The following SLC35G6 variants were observed in gnomAD, a reference collection of about 807,000 sequenced individuals.
SLC35G6 encodes the protein acyl-malonyl condensing enzyme 1-like 3.
A neutral mutation model predicts 20.3 loss-of-function variants in SLC35G6; 18 were observed. The ratio of observed to expected loss-of-function variants is 0.88; its 90% CI spans 0.61 to 1.31. The LOEUF (loss-of-function observed/expected upper bound fraction) is 1.31. Ranked by LOEUF, SLC35G6 falls within the 40% of genes most tolerant of loss-of-function variation. SLC35G6 has a pLI of 0.00. For synonymous variants in SLC35G6, 156 were observed against 200.9 expected (o/e 0.78, Z 1.89); for missense variants, 372 against 433.4 (o/e 0.86, Z 1.26).
Position 7,481,995 on chromosome 17 carries a change from G to A in SLC35G6, c.11G>A (p.Ser4Asn). MAG[S>N]HPYLNPPDST... ...CTCCTTTCTCCCTAACAGGCTGGCA[G>A]TCACCCCTACTTGAACCCGCCTGAC... The change falls in exon 2 of 2, where the codon AGT (serine) becomes AAT (asparagine). Residue 4 changes from serine to asparagine, a missense_variant. By Grantham distance (46) the Ser-to-Asn change is conservative. Coordinates refer to ENST00000412468, the MANE Select transcript of SLC35G6 (RefSeq NM_001102614.2). 1 of 1,593,012 alleles carries A rather than the reference G, an allele frequency of 6.3e-7. No individual in the cohort carries two copies. The highest frequency in any genetic ancestry group is 8.6e-7 in the Non-Finnish European group (1 of 1,168,416).
chr17:7,481,883 A>G (rs559610082), intron 1 of SLC35G6, 105 bp from the exon 2 acceptor site: 3 of 1,446,652 alleles, frequency 2.1e-6, no homozygotes, highest in African/African-American at 1.4e-5. Context: ...ATAGCCCAAC[A>G]CTGTACAGTC....
In SLC35G6 at chr17:7,483,374, G is replaced by GCTCCCCA. The variant is rs2070372593; in HGVS notation, c.*373_*374insCTCCCCA. 3 of 308,848 alleles carry GCTCCCCA rather than the reference G, an allele frequency of 9.7e-6. No homozygotes were observed. Among genetic ancestry groups the GCTCCCCA allele is most frequent in the African/African-American group, 2.2e-5 (1 of 46,376 alleles). 19.1% of individuals were successfully genotyped at this position (308,848 alleles called of 1,614,324 possible). On this transcript the variant is annotated 3_prime_UTR_variant, in exon 2 of 2. Transcript: ENST00000412468. ...AAAGACAGAGCCAGCAGCTGCGGTG[G>GCTCCCCA]GGGAGGGGAGCGTGCCTCCCCACCC...
chr17:7,483,136 T>G lies in SLC35G6; in HGVS notation c.*135T>G. The G allele has an allele frequency of 3.4e-6, 5 of 1,465,986 alleles. No homozygotes were observed. Among genetic ancestry groups the G allele is most frequent in the Non-Finnish European group, 4.6e-6 (5 of 1,093,436 alleles). The allele number at this position is 1,465,986 out of a possible 1,614,324, so 90.8% of individuals were successfully genotyped here. A position where few individuals can be genotyped will look rare whatever the true frequency, so the allele number is the denominator to read the frequency against. ...GATACCTCTCAGAGTCAAGGGTGACTTGGGGACTTGGTGGAGAGGGACTAC... is the reference window on the plus strand; with the variant it reads ...GATACCTCTCAGAGTCAAGGGTGACGTGGGGACTTGGTGGAGAGGGACTAC... On this transcript the variant is annotated 3_prime_UTR_variant, in exon 2 of 2. Transcript: ENST00000412468.
rs376260491 is a variant in SLC35G6 at position 7,481,557 on chromosome 17, A to G, written c.3+38A>G. 1.0e-5 allele frequency: 15 copies of G among 1,461,236 alleles called. No homozygotes were observed. In the South Asian group the frequency reaches 1.8e-4, roughly 17 times the overall value. 90.5% of individuals were successfully genotyped at this position (1,461,236 alleles called of 1,614,324 possible). On this transcript the variant is annotated intron_variant, in intron 1 of 1. Coordinates refer to ENST00000412468, the MANE Select transcript of SLC35G6 (RefSeq NM_001102614.2). ...GCCAGGGGCCTAGTACTCCCTCCCT[A>G]TAGCTCCTGGTTGCTCCATTTCCCC...
chr17:7,483,058 T>C lies in SLC35G6; in HGVS notation c.*57T>C, dbSNP rs2070368757. On this transcript the variant is annotated 3_prime_UTR_variant, in exon 2 of 2. Transcript: ENST00000412468. Reference sequence around the variant, plus strand: ...GACAGGGATAAATAGAGGCAAAGACTGAAGACAAACATGGGAGGAGAAGTG... The same window carrying C: ...GACAGGGATAAATAGAGGCAAAGACCGAAGACAAACATGGGAGGAGAAGTG... 1.2e-6 allele frequency: 2 copies of C among 1,609,138 alleles called. No homozygotes were observed. The highest frequency in any genetic ancestry group is 1.7e-5 in the Admixed American group (1 of 59,336).
intron 1 of SLC35G6, 64 bp downstream of exon 1, chr17:7,481,583 T>C: frequency 8.1e-7 from 1 of 1,238,572 alleles, no homozygotes; most frequent in Non-Finnish European, 1.1e-6. Flanking sequence ...CCATTTCCCC[T>C]CCTTTCCTAA....
In SLC35G6 at chr17:7,482,413, C is replaced by T. The variant is rs531131813; in HGVS notation, c.429C>T (p.Ala143=). The T allele has an allele frequency of 1.3e-5, 21 of 1,614,018 alleles. No individual in the cohort carries two copies. Among genetic ancestry groups the T allele is most frequent in the African/African-American group, 4.0e-5 (3 of 75,050 alleles). ...VRKGSSTVCS[A]VLTLCLESQG... is the part of the protein sequence containing the mutation. ...AAGGTTCTTCCACCGTCTGCTCCGCCGTCCTCACCCTCTGCCTTGAGAGCC... is the reference window on the plus strand; with the variant it reads ...AAGGTTCTTCCACCGTCTGCTCCGCTGTCCTCACCCTCTGCCTTGAGAGCC... The change falls in exon 2 of 2, where the codon GCC becomes GCT. Residue 143 remains alanine, a synonymous_variant. Transcript: ENST00000412468.
At chr17:7,481,662 G>A in intron 1 of SLC35G6, 143 bp downstream of exon 1, 1 of 671,920 alleles carries the variant, frequency 1.5e-6, no homozygotes, top group East Asian at 2.9e-5. Context: ...TCTGGAACCT[G>A]TGGCATCATA....
chr17:7,482,101 C>T lies in SLC35G6; in HGVS notation c.117C>T (p.Gly39=). The change falls in exon 2 of 2, where the codon GGC becomes GGT. Residue 39 remains glycine, a synonymous_variant. Coordinates refer to ENST00000412468, the MANE Select transcript of SLC35G6 (RefSeq NM_001102614.2). Reference sequence around the variant, plus strand: ...GCCAGCCCTCTGATGCCACCAATGGCCTGCTGGTGGCCCTGCTGGGTGGGG... The same window carrying T: ...GCCAGCCCTCTGATGCCACCAATGGTCTGCTGGTGGCCCTGCTGGGTGGGG... ...QCCQPSDATN[G]LLVALLGGGL... is the part of the protein sequence containing the mutation. 5 of 1,614,216 alleles carry T rather than the reference C, an allele frequency of 3.1e-6. No homozygotes were observed. Among genetic ancestry groups the T allele is most frequent in the Non-Finnish European group, 3.4e-6 (4 of 1,180,042 alleles).
Position 7,482,619 on chromosome 17 carries a change from C to T in SLC35G6, c.635C>T (p.Ser212Phe). 2 of 1,612,116 alleles carry T rather than the reference C, an allele frequency of 1.2e-6. No homozygotes were observed. Among genetic ancestry groups the T allele is most frequent in the Non-Finnish European group, 8.5e-7 (1 of 1,179,910 alleles). The stretch of plus-strand genomic sequence containing the variant: ...TCCCTGGGGCTTCTGGTCTATCGTT[C>T]TCTGCACTTTCCCTCCTGCCTCCCA... ...ALSLGLLVYR[S>F]LHFPSCLPTV... The change falls in exon 2 of 2, where the codon TCT (serine) becomes TTT (phenylalanine). Residue 212 changes from serine (S) to phenylalanine (F), a missense_variant. Physicochemically the swap from Ser to Phe is radical, Grantham distance 155. Transcript: ENST00000412468.
At chr17:7,481,903 C>T (rs1158062743) in intron 1 of SLC35G6, 85 bp from the exon 2 acceptor site, 89 of 1,512,556 alleles carry the variant, frequency 5.9e-5, no homozygotes, top group Admixed American at 4.5e-4. Context: ...CCCACAGGGT[C>T]CCAGACCCCA....
rs1379818421 is a variant in SLC35G6, at chr17:7,482,022, C to T, written c.38C>T (p.Ser13Phe). 2.5e-6 allele frequency: 4 copies of T among 1,610,822 alleles called. No individual in the cohort carries two copies. The African/African-American group carries it at 5.3e-5, about 22-fold the overall frequency. ...CACCCCTACTTGAACCCGCCTGACT[C>T]CACACACCCATCGCCGCCCTCCGCT... is the stretch of plus-strand genomic sequence containing the variant. ...GSHPYLNPPD[S>F]THPSPPSAPP... Residue 13 changes from serine to phenylalanine, a missense_variant, in exon 2 of 2, where the codon TCC (serine) becomes TTC (phenylalanine). Physicochemically the swap from Ser to Phe is radical, Grantham distance 155. Transcript: ENST00000412468.
At position 7,482,859 on chromosome 17, in the gene SLC35G6, T is replaced by C. The variant is rs201701863; in HGVS notation, c.875T>C (p.Val292Ala). The C allele has an allele frequency of 6.5e-4, 1,053 of 1,611,884 alleles. 1 individual carries two copies. The highest frequency in any genetic ancestry group is 8.5e-4 in the Non-Finnish European group (999 of 1,179,860). The change falls in exon 2 of 2, where the codon GTG (valine) becomes GCG (alanine). Residue 292 changes from valine to alanine, a missense_variant. Val to Ala is a moderately conservative substitution (Grantham distance 64, BLOSUM62 0). Coordinates refer to ENST00000412468, the MANE Select transcript of SLC35G6 (RefSeq NM_001102614.2). ...GCTGTCCTGCATTCCGAGGTGGTGG[T>C]GGCCCTTATACTGCAGTATTATATG... ...VCAVLHSEVV[V>A]ALILQYYMLH...
In SLC35G6 at chr17:7,482,816, C is replaced by T. The variant is rs1174100537; in HGVS notation, c.832C>T (p.His278Tyr). 6.2e-7 allele frequency: 1 copy of T among 1,611,954 alleles called. No homozygotes were observed. The highest frequency in any genetic ancestry group is 8.5e-7 in the Non-Finnish European group (1 of 1,179,882). Reference sequence around the variant, plus strand: ...TGTGAGCTATGCGGTCACCAAGGCCCACCCTGCCCTGGTGTGCGCTGTCCT... The same window carrying T: ...TGTGAGCTATGCGGTCACCAAGGCCTACCCTGCCCTGGTGTGCGCTGTCCT... ...TCVSYAVTKA[H>Y]PALVCAVLHS... The change falls in exon 2 of 2, where the codon CAC (histidine) becomes TAC (tyrosine). Residue 278 changes from histidine (H) to tyrosine (Y), a missense_variant. By Grantham distance (83) the His-to-Tyr change is moderately conservative. Transcript: ENST00000412468.
chr17:7,482,521 A>G lies in SLC35G6; in HGVS notation c.537A>G (p.Thr179=), dbSNP rs765417396. 8.1e-6 allele frequency: 13 copies of G among 1,613,202 alleles called. No individual in the cohort carries two copies. Among genetic ancestry groups the G allele is most frequent in the Non-Finnish European group, 1.1e-5 (13 of 1,179,934 alleles). The change falls in exon 2 of 2, where the codon ACA becomes ACG. Residue 179 remains threonine, a synonymous_variant. Coordinates refer to ENST00000412468, the MANE Select transcript of SLC35G6 (RefSeq NM_001102614.2). ...LIIIVGPGLW[T]LQEGITGVYT... ...TCATTGTGGGACCTGGACTCTGGAC[A>G]CTACAGGAGGGGATCACGGGTGTCT...
At position 7,483,385 on chromosome 17, in the gene SLC35G6, C is replaced by G. The variant is rs1399515428; in HGVS notation, c.*384C>G. ...CAGCAGCTGCGGTGGGGGAGGGGAG[C>G]GTGCCTCCCCACCCCTCCCCTCACG... On this transcript the variant is annotated 3_prime_UTR_variant, in exon 2 of 2. Coordinates refer to ENST00000412468, the MANE Select transcript of SLC35G6 (RefSeq NM_001102614.2). 1.4e-5 allele frequency: 4 copies of G among 294,304 alleles called. No homozygotes were observed. The highest frequency in any genetic ancestry group is 4.4e-5 in the African/African-American group (2 of 45,856). 18.2% of individuals were successfully genotyped at this position (294,304 alleles called of 1,614,324 possible).
Position 7,482,870 on chromosome 17 carries a change from C to A in SLC35G6, c.886C>A (p.Leu296Met), listed in dbSNP as rs773999539. Reference protein sequence around the residue: ...LHSEVVVALILQYYMLHETVA... With the variant: ...LHSEVVVALIMQYYMLHETVA... ...TTCCGAGGTGGTGGTGGCCCTTATA[C>A]TGCAGTATTATATGCTCCATGAGAC... Residue 296 changes from leucine to methionine, a missense_variant, in exon 2 of 2, where the codon CTG becomes ATG. Physicochemically the swap from Leu to Met is conservative, Grantham distance 15 (BLOSUM62 2). Coordinates refer to ENST00000412468, the MANE Select transcript of SLC35G6 (RefSeq NM_001102614.2). 5.0e-6 allele frequency: 8 copies of A among 1,611,900 alleles called. No homozygotes were observed. Among genetic ancestry groups the A allele is most frequent in the Non-Finnish European group, 6.8e-6 (8 of 1,179,870 alleles).
rs773769392 is a variant in SLC35G6 at position 7,482,143 on chromosome 17, C to T, written c.159C>T (p.Phe53=). 9.3e-6 allele frequency: 15 copies of T among 1,614,140 alleles called. No homozygotes were observed. In the East Asian group the frequency reaches 2.2e-4, roughly 24 times the overall value. The change falls in exon 2 of 2, where the codon TTC becomes TTT. Residue 53 remains phenylalanine (F), a synonymous_variant. Transcript: ENST00000412468. Reference sequence around the variant, plus strand: ...TGGGTGGGGGCCTGCCTGCTGGCTTCGTGGGCCCCCTTTCTCATATGGCTT... The same window carrying T: ...TGGGTGGGGGCCTGCCTGCTGGCTTTGTGGGCCCCCTTTCTCATATGGCTT... ...ALLGGGLPAG[F]VGPLSHMAYQ...
In SLC35G6 at chr17:7,482,466, G is replaced by A; in HGVS notation, c.482G>A (p.Gly161Glu). Reference protein sequence around the residue: ...SQGLSGYDWCGLLGSILGLII... With the variant: ...SQGLSGYDWCELLGSILGLII... The stretch of plus-strand genomic sequence containing the variant: ...GGTCTCAGTGGCTACGACTGGTGTG[G>A]ACTGTTGGGCAGCATCCTAGGACTA... The change falls in exon 2 of 2, where the codon GGA becomes GAA. Residue 161 changes from glycine to glutamate, a missense_variant. Coordinates refer to ENST00000412468, the MANE Select transcript of SLC35G6 (RefSeq NM_001102614.2). The A allele has an allele frequency of 6.2e-7, 1 of 1,614,010 alleles. No homozygotes were observed. Among genetic ancestry groups the A allele is most frequent in the Non-Finnish European group, 8.5e-7 (1 of 1,179,876 alleles).
Sources: allele counts gnomAD v4.1 joint callset, GRCh38; gene constraint gnomAD v4.1.1; transcripts MANE v1.5; gene names NCBI Gene and HGNC (gene_info 2026-07-23, HGNC 2026-07-21).